The following AUTS2 variants were observed in gnomAD, a reference collection of about 807,000 sequenced individuals.
AUTS2 encodes activator of transcription and developmental regulator AUTS2.
AUTS2 carries 17 observed loss-of-function variants against 112.4 expected under a neutral mutation model. The observed-to-expected ratio is 0.15, with a 90% CI of 0.10 to 0.23. The LOEUF (loss-of-function observed/expected upper bound fraction) is 0.23, where lower values mean the gene tolerates loss of function less well. Ranked by LOEUF, AUTS2 falls within the 10% of genes least tolerant of loss-of-function variation. The pLI, the probability that AUTS2 is intolerant of heterozygous loss-of-function variation, is 1.00. For synonymous variants in AUTS2, 751 were observed against 702.7 expected (o/e 1.07, Z -1.09); for missense variants, 1,510 against 1,701.6 (o/e 0.89, Z 1.98).
At chr7:69,626,508 T>C (rs750628082) in intron 1 of AUTS2, among the ~76,000 whole-genome samples, 2 of 152,152 alleles carry the variant, frequency 1.3e-5, no homozygotes, top group Non-Finnish European at 2.9e-5. Context: ...CTTGGATTTA[T>C]AAAGGGCCAC....
intron 4 of AUTS2, among the ~76,000 whole-genome samples, chr7:70,182,246 TC>T (rs559123285): frequency 9.9e-4 from 151 of 152,352 alleles, no homozygotes; most frequent in African/African-American, 3.6e-3. Context: ...CCTGTTTACA[TC>T]TCACCCATAC....
intron 5 of AUTS2, among the ~76,000 whole-genome samples, chr7:70,633,997 C>T (rs543766652): frequency 1.1e-4 from 14 of 131,008 alleles, no homozygotes; most frequent in Non-Finnish European, 1.9e-4. Context: ...ATCATCAGTG[C>T]TGATTCTAGG....
chr7:69,820,153 G>A (rs1045299884), intron 1 of AUTS2, among the ~76,000 whole-genome samples: 3 of 152,164 alleles, frequency 2.0e-5, no homozygotes, highest in Non-Finnish European at 4.4e-5. Flanking sequence ...CACAGTGGCA[G>A]TACCTACAGT....
intron 5 of AUTS2, among the ~76,000 whole-genome samples, chr7:70,492,763 CCTTGG>C (rs1175469620): frequency 2.0e-5 from 3 of 152,120 alleles, no homozygotes; most frequent in Admixed American, 6.5e-5. Flanking sequence ...AGACGAAAGG[CCTTGG>C]CTTGGAGCAA....
Position 69,599,141 on chromosome 7 carries a change from C to T in AUTS2, c.-513C>T. ...GGTGAAGTTCATTGCCCCCACTTTT[C>T]CCGCGACCTTTTTCGGACCCGATTT... On this transcript the variant is annotated 5_prime_UTR_variant, in exon 1 of 19. Transcript: ENST00000342771. This position sits in a 1 kb window ranked among gnomAD's most constrained non-coding sequence, Gnocchi z 7.0. 1 of 151,546 alleles carries T rather than the reference C, an allele frequency of 6.6e-6. No homozygotes were observed. Among genetic ancestry groups the T allele is most frequent in the East Asian group, 2.0e-4 (1 of 5,098 alleles). 9.4% of individuals were successfully genotyped at this position (151,546 alleles called of 1,614,324 possible). A position where few individuals can be genotyped will look rare whatever the true frequency, so the allele number is the denominator to read the frequency against.
chr7:69,667,717 A>G (rs571134332), intron 1 of AUTS2, among the ~76,000 whole-genome samples: 2 of 152,058 alleles, frequency 1.3e-5, no homozygotes, highest in East Asian at 1.9e-4. Context: ...CATTTATTCT[A>G]GTTCTTTTCT....
At chr7:70,272,649 T>A (rs1045140701) in intron 4 of AUTS2, among the ~76,000 whole-genome samples, 1 of 152,170 alleles carries the variant, frequency 6.6e-6, no homozygotes, top group Admixed American at 6.5e-5. Flanking sequence ...AGGTAACTAT[T>A]TTGCATCCAT....
At chr7:70,781,428 C>A in intron 14 of AUTS2, 187 bp from the exon 15 acceptor site, 1 of 523,300 alleles carries the variant, frequency 1.9e-6, no homozygotes, top group Non-Finnish European at 3.2e-6. Flanking sequence ...TCTGGTGTAA[C>A]AGGCACTACC....
At chr7:69,890,330 T>C (rs1326379436) in intron 1 of AUTS2, among the ~76,000 whole-genome samples, 1 of 152,186 alleles carries the variant, frequency 6.6e-6, no homozygotes, top group Non-Finnish European at 1.5e-5. Flanking sequence ...TGTGTGGTTT[T>C]GTTTTCTTTT....
chr7:70,090,706 G>A (rs1249168472), intron 2 of AUTS2, among the ~76,000 whole-genome samples: 4 of 137,518 alleles, frequency 2.9e-5, no homozygotes, highest in African/African-American at 1.1e-4. Context: ...TTTTTGAGGC[G>A]GAGTCTCGGT....
At chr7:70,512,116 T>G (rs1234298461) in intron 5 of AUTS2, among the ~76,000 whole-genome samples, 1 of 152,122 alleles carries the variant, frequency 6.6e-6, no homozygotes, top group African/African-American at 2.4e-5. Flanking sequence ...GTTTCAGCTG[T>G]GAATATGGGT....
At position 70,613,224 on chromosome 7, in the gene AUTS2, C is replaced by T. The variant is rs1051021248; in HGVS notation, c.691-85345C>T. On this transcript the variant is annotated intron_variant, in intron 5 of 18. Coordinates refer to ENST00000342771, the MANE Select transcript of AUTS2 (RefSeq NM_015570.4). Reference sequence around the variant, plus strand: ...AAAAGGTTGGAGAGGCATATATATACATATATGTGTGTGTGTCTGTGTGTG... The same window carrying T: ...AAAAGGTTGGAGAGGCATATATATATATATATGTGTGTGTGTCTGTGTGTG... Among the ~76,000 whole-genome samples the T allele has an allele frequency of 5.8e-5, 8 of 138,714 alleles. No individual in the cohort carries two copies. The East Asian group carries it at 1.6e-3, about 27-fold the overall frequency. 91.0% of individuals were successfully genotyped at this position (138,714 alleles called of 152,430 possible). A position where few individuals can be genotyped will look rare whatever the true frequency, so the allele number is the denominator to read the frequency against.
intron 5 of AUTS2, among the ~76,000 whole-genome samples, chr7:70,620,104 G>A (rs1296791908): frequency 6.6e-6 from 1 of 151,964 alleles, no homozygotes; most frequent in Non-Finnish European, 1.5e-5. Flanking sequence ...GGAGTGCTGC[G>A]GGCAGAAGTC....
intron 4 of AUTS2, among the ~76,000 whole-genome samples, chr7:70,135,914 C>T (rs1806533776): frequency 6.6e-6 from 1 of 152,142 alleles, no homozygotes; most frequent in Admixed American, 6.5e-5. Context: ...ATCTATTCTC[C>T]ATCCAAAAGC....
intron 5 of AUTS2, among the ~76,000 whole-genome samples, chr7:70,679,918 A>G (rs888605068): frequency 7.7e-4 from 117 of 152,306 alleles, no homozygotes; most frequent in African/African-American, 2.8e-3. Context: ...TTTTGTTTTT[A>G]AAACACAAAG....
Position 70,238,806 on chromosome 7 carries a change from A to T in AUTS2, c.660+104235A>T, listed in dbSNP as rs141768607. 3.3e-5 allele frequency among the ~76,000 whole-genome samples: 5 copies of T among 152,204 alleles called. No individual in the cohort carries two copies. In the East Asian group the frequency reaches 9.7e-4, roughly 29 times the overall value. ...CTTCTGAGCTCCAGAGAAACAAGAT[A>T]TGCGTGCACTCATCATCAGAGAGAT... On this transcript the variant is annotated intron_variant, in intron 4 of 18. Coordinates refer to ENST00000342771, the MANE Select transcript of AUTS2 (RefSeq NM_015570.4).
At chr7:69,784,211 T>A (rs974124312) in intron 1 of AUTS2, among the ~76,000 whole-genome samples, 1 of 152,106 alleles carries the variant, frequency 6.6e-6, no homozygotes, top group African/African-American at 2.4e-5. Flanking sequence ...TTAAGATTAG[T>A]TTTGGAGAGA....
intron 4 of AUTS2, among the ~76,000 whole-genome samples, chr7:70,176,610 C>T (rs1809000906): frequency 1.3e-5 from 2 of 152,138 alleles, no homozygotes; most frequent in African/African-American, 4.8e-5. Context: ...GTTAAGAAAA[C>T]AATGCAGTAA....
intron 2 of AUTS2, among the ~76,000 whole-genome samples, chr7:70,102,293 T>C (rs564800277): frequency 1.3e-5 from 2 of 152,046 alleles, no homozygotes; most frequent in Admixed American, 1.3e-4. Flanking sequence ...TAATTTTTTG[T>C]ATTTTTAGTA....
Sources: gnomAD v4.1 joint callset for allele counts (sites outside exome capture counted in the v4.1 genomes callset) on GRCh38, gnomAD v4.1.1 for gene constraint, Gnocchi (gnomAD v3.1) non-coding constraint, MANE v1.5 for transcripts, NCBI Gene and HGNC (gene_info 2026-07-23, HGNC 2026-07-21) for gene names.